DYNC2I2: variants seen among roughly 807,000 people sequenced by gnomAD.
The protein encoded by DYNC2I2 is cytoplasmic dynein 2 intermediate chain 2.
In DYNC2I2, 39 loss-of-function variants were observed where a neutral mutation model predicts 52.0. That is an observed-to-expected ratio of 0.75 (90% CI 0.58 to 0.98). The LOEUF (loss-of-function observed/expected upper bound fraction) is 0.98, where lower values mean the gene tolerates loss of function less well. Ranked by LOEUF, DYNC2I2 falls within the 50% of genes least tolerant of loss-of-function variation. The probability of loss-of-function intolerance (pLI) is 0.00; values close to 1 mark genes in which losing one functional copy is unlikely to be tolerated. For missense variants in DYNC2I2, 743 were observed against 728.4 expected (o/e 1.02, Z -0.23); for synonymous variants, 359 against 321.1 (o/e 1.12, Z -1.26).
At chr9:128,662,242 A>G in the DYNC2I2 span, among the ~76,000 whole-genome samples, 1 of 151,652 alleles carries the variant, frequency 6.6e-6, no homozygotes, top group Non-Finnish European at 1.5e-5. Context: ...TGGGGAAAAA[A>G]AAAAAGAGCC....
the DYNC2I2 span, among the ~76,000 whole-genome samples, chr9:128,668,979 C>T: frequency 6.6e-6 from 1 of 151,974 alleles, no homozygotes; most frequent in Non-Finnish European, 1.5e-5. Context: ...ACCTGTAATC[C>T]CAGCACTTTG....
Position 128,656,761 on chromosome 9 carries a change from A to T in DYNC2I2, c.-35T>A. 6.8e-6 allele frequency: 9 copies of T among 1,325,196 alleles called. No homozygotes were observed. The highest frequency in any genetic ancestry group is 7.7e-6 in the Non-Finnish European group (8 of 1,036,534). The allele number at this position is 1,325,196 out of a possible 1,614,324, so 82.1% of individuals were successfully genotyped here. On this transcript the variant is annotated 5_prime_UTR_variant, in exon 1 of 9. Transcript: ENST00000372715. ...TCCGCCCTCTCGTGCGGACGCACTCAGGCGCGACCTCCGCCCCTACGCCGC... is the reference window on the plus strand; with the variant it reads ...TCCGCCCTCTCGTGCGGACGCACTCTGGCGCGACCTCCGCCCCTACGCCGC...
intron 2 of DYNC2I2, among the ~76,000 whole-genome samples, chr9:128,639,052 T>G (rs1860463250): frequency 6.6e-6 from 1 of 151,694 alleles, no homozygotes; most frequent in Admixed American, 6.6e-5. Context: ...CAGGAGCATC[T>G]CTTGAGCCCA....
At chr9:128,661,304 C>CAAAAAAAAAAAA (rs34937317), upstream of DYNC2I2, among the ~76,000 whole-genome samples, 2 of 62,216 alleles carry the variant, frequency 3.2e-5, no homozygotes, top group Non-Finnish European at 3.6e-5. Flanking sequence ...GACTCCATCT[C>CAAAAAAAAAAAA]AAAAAAAAAA....
rs1860396198 is a variant in DYNC2I2, at chr9:128,635,717, C to A, written c.754G>T (p.Asp252Tyr). Residue 252 changes from aspartate (D) to tyrosine (Y), a missense_variant, in exon 5 of 9, where the codon GAC (aspartate) becomes TAC (tyrosine). Physicochemically the swap from Asp to Tyr is radical, Grantham distance 160. Transcript: ENST00000372715. Reference sequence around the variant, plus strand: ...AGGCCTGTGCGCCACAGCAGCGGGTCCTCAAGACGGCTCAGGTCCCACACC... The same window carrying A: ...AGGCCTGTGCGCCACAGCAGCGGGTACTCAAGACGGCTCAGGTCCCACACC... Reference protein sequence around the residue: ...VLVWDLSRLEDPLLWRTGLTD... With the variant: ...VLVWDLSRLEYPLLWRTGLTD... 6.2e-7 allele frequency: 1 copy of A among 1,613,064 alleles called. No individual in the cohort carries two copies. The highest frequency in any genetic ancestry group is 1.1e-5 in the South Asian group (1 of 90,880).
intron 1 of DYNC2I2, among the ~76,000 whole-genome samples, chr9:128,646,959 T>C (rs1388386892): frequency 6.6e-6 from 1 of 152,000 alleles, no homozygotes; most frequent in Non-Finnish European, 1.5e-5. Flanking sequence ...ACCCCGTCTC[T>C]ACTAAAAATA....
chr9:128,664,829 G>GA, the DYNC2I2 span, among the ~76,000 whole-genome samples: 1 of 150,822 alleles, frequency 6.6e-6, no homozygotes, highest in African/African-American at 2.4e-5. Context: ...CAATTCTGTT[G>GA]AAAAAAACGT....
At chr9:128,682,118 C>T in the DYNC2I2 span, among the ~76,000 whole-genome samples, 2 of 151,552 alleles carry the variant, frequency 1.3e-5, no homozygotes, top group African/African-American at 4.8e-5. Flanking sequence ...GCGCAATCTC[C>T]ACTCACTGCG....
At chr9:128,654,483 T>A (rs1031845190) in intron 1 of DYNC2I2, among the ~76,000 whole-genome samples, 5 of 152,034 alleles carry the variant, frequency 3.3e-5, no homozygotes, top group Admixed American at 3.3e-4. Context: ...GGACCACTCT[T>A]CCCCACCCCT....
the DYNC2I2 span, among the ~76,000 whole-genome samples, chr9:128,669,806 G>A: frequency 6.6e-6 from 1 of 152,128 alleles, no homozygotes; most frequent in South Asian, 2.1e-4. Context: ...AGCCTCCCTA[G>A]TAGCTGCGAT....
chr9:128,684,443 C>T, the DYNC2I2 span, among the ~76,000 whole-genome samples: 2 of 152,150 alleles, frequency 1.3e-5, no homozygotes, highest in Non-Finnish European at 2.9e-5. Context: ...GCCTGAATCT[C>T]TGCCACCTCC....
At chr9:128,648,552 G>A (rs895130854) in intron 1 of DYNC2I2, among the ~76,000 whole-genome samples, 5 of 150,382 alleles carry the variant, frequency 3.3e-5, no homozygotes, top group Non-Finnish European at 7.4e-5. Context: ...TTGGGAGGCC[G>A]AGGCAGGCAG....
chr9:128,635,898 AT>A, intron 4 of DYNC2I2, 131 bp from the exon 5 acceptor site: 1 of 830,586 alleles, frequency 1.2e-6, no homozygotes, highest in South Asian at 1.6e-5. Flanking sequence ...GCTGGAAGTC[AT>A]CCCCACAGAG....
the DYNC2I2 span, among the ~76,000 whole-genome samples, chr9:128,670,991 T>C: frequency 2.0e-5 from 3 of 147,902 alleles, no homozygotes; most frequent in African/African-American, 7.5e-5. Flanking sequence ...CGCTTGAACC[T>C]GGGAGGCAGA....
chr9:128,669,869 CG>C, the DYNC2I2 span, among the ~76,000 whole-genome samples: 1 of 152,076 alleles, frequency 6.6e-6, no homozygotes, highest in Non-Finnish European at 1.5e-5. Flanking sequence ...TTAGTAAAGA[CG>C]GGGTTTCACT....
At chr9:128,650,676 T>G (rs1860703999) in intron 1 of DYNC2I2, among the ~76,000 whole-genome samples, 1 of 54,084 alleles carries the variant, frequency 1.8e-5, no homozygotes, top group Non-Finnish European at 7.6e-5. Flanking sequence ...GTGCTGGAAT[T>G]ACAGGCATGA....
At position 128,640,920 on chromosome 9, in the gene DYNC2I2, C is replaced by G; in HGVS notation, c.206G>C (p.Ser69Thr). The change falls in exon 2 of 9, where the codon AGC becomes ACC. Residue 69 changes from serine to threonine, a missense_variant. Transcript: ENST00000372715. The stretch of plus-strand genomic sequence containing the variant: ...GGCGGATGCACTGGCAGTGGCAATG[C>G]TGGCCGTCTGGCAACTTTTCTGGGG... ...RWETKSCQTASIATASASAQA... is the reference protein window; with the variant it reads ...RWETKSCQTATIATASASAQA... 1 of 1,592,864 alleles carries G rather than the reference C, an allele frequency of 6.3e-7. No homozygotes were observed. The highest frequency in any genetic ancestry group is 8.6e-7 in the Non-Finnish European group (1 of 1,167,062).
At chr9:128,658,094 CAAAAT>C (rs934145513), upstream of DYNC2I2, among the ~76,000 whole-genome samples, 6 of 148,762 alleles carry the variant, frequency 4.0e-5, no homozygotes, top group African/African-American at 1.5e-4. Context: ...GACCCTGTCT[CAAAAT>C]AATAATAATA....
the DYNC2I2 span, among the ~76,000 whole-genome samples, chr9:128,674,332 C>T: frequency 2.6e-5 from 4 of 151,954 alleles, no homozygotes; most frequent in African/African-American, 9.7e-5. Flanking sequence ...GATGGGGTTT[C>T]ACCGTGTTAG....
Sources: allele counts gnomAD v4.1 joint callset (sites outside exome capture counted in the v4.1 genomes callset), GRCh38; gene constraint gnomAD v4.1.1; transcripts MANE v1.5; gene names NCBI Gene and HGNC (gene_info 2026-07-23, HGNC 2026-07-21).